KCNJ16: variants seen among roughly 807,000 people sequenced by gnomAD.
The protein encoded by KCNJ16 is inward rectifier potassium channel 16.
KCNJ16 carries 15 observed loss-of-function variants against 18.5 expected under a neutral mutation model. The observed-to-expected ratio is 0.81, with a 90% CI of 0.54 to 1.25. The LOEUF (loss-of-function observed/expected upper bound fraction) is 1.25, where lower values mean the gene tolerates loss of function less well. Among genes scored for constraint, KCNJ16 ranks in the 50% most tolerant of loss-of-function variants. KCNJ16 has a pLI of 0.00. For missense variants in KCNJ16, 523 were observed against 525.7 expected (o/e 0.99, Z 0.05); for synonymous variants, 174 against 186.5 (o/e 0.93, Z 0.55).
At chr17:70,106,756 T>C (rs1456023527) in intron 2 of KCNJ16, among the ~76,000 whole-genome samples, 2 of 152,126 alleles carry the variant, frequency 1.3e-5, no homozygotes, top group East Asian at 3.9e-4. Context: ...GCCCAATCTC[T>C]GCAGGTCAGC....
intron 1 of KCNJ16, among the ~76,000 whole-genome samples, chr17:70,097,767 A>C (rs2072446300): frequency 6.6e-6 from 1 of 151,980 alleles, no homozygotes; most frequent in Non-Finnish European, 1.5e-5. Flanking sequence ...CTTGCAAAGA[A>C]CCTTGACTCT....
intron 3 of KCNJ16, among the ~76,000 whole-genome samples, chr17:70,131,714 T>A (rs2144292661): frequency 6.6e-6 from 1 of 152,330 alleles, no homozygotes; most frequent in East Asian, 1.9e-4. Context: ...TTTTTTTTTA[T>A]ATCAGGTCAG....
intron 1 of KCNJ16, among the ~76,000 whole-genome samples, chr17:70,076,367 G>A (rs1206019591): frequency 1.3e-5 from 2 of 152,116 alleles, no homozygotes; most frequent in African/African-American, 4.8e-5. Flanking sequence ...CCAAACCACA[G>A]CTGTTTTGCA....
chr17:70,084,037 C>A (rs2071680499), intron 1 of KCNJ16, among the ~76,000 whole-genome samples: 1 of 152,158 alleles, frequency 6.6e-6, no homozygotes, highest in African/African-American at 2.4e-5. Flanking sequence ...AAGAGGAGAC[C>A]AGCAGGATGT....
At chr17:70,083,294 A>T (rs1001700935) in intron 1 of KCNJ16, among the ~76,000 whole-genome samples, 17 of 149,460 alleles carry the variant, frequency 1.1e-4, no homozygotes, top group Non-Finnish European at 1.5e-5. Context: ...ATACATATCT[A>T]TATGATATAT....
chr17:70,108,823 T>C (rs1408599864), intron 2 of KCNJ16, among the ~76,000 whole-genome samples: 2 of 152,154 alleles, frequency 1.3e-5, no homozygotes, highest in East Asian at 1.9e-4. Context: ...CCGTTTTTGC[T>C]AGCCCTCTGA....
In KCNJ16 at chr17:70,116,141, A is replaced by G. The variant is rs953402539; in HGVS notation, c.-190-14738A>G. On this transcript the variant is annotated intron_variant, in intron 2 of 3. Coordinates refer to ENST00000392671, the MANE Select transcript of KCNJ16 (RefSeq NM_170741.4). ...CATCAAAATTAACATTTTGTTGTAT[A>G]TGATTCTGTTTTTTCTCCATTTTTA... is the stretch of plus-strand genomic sequence containing the variant. Among the ~76,000 whole-genome samples, 6 of 152,190 alleles carry G rather than the reference A, an allele frequency of 3.9e-5. No individual in the cohort carries two copies. The South Asian group carries it at 6.2e-4, about 16-fold the overall frequency.
chr17:70,084,093 T>C (rs2071683739), intron 1 of KCNJ16, among the ~76,000 whole-genome samples: 1 of 152,194 alleles, frequency 6.6e-6, no homozygotes, highest in South Asian at 2.1e-4. Flanking sequence ...TGTGCCAGTA[T>C]ATCAGTGACA....
chr17:70,122,178 T>TC (rs2073667517), intron 2 of KCNJ16, among the ~76,000 whole-genome samples: 1 of 92,688 alleles, frequency 1.1e-5, no homozygotes, highest in South Asian at 2.9e-4. Flanking sequence ...ATCGGATACT[T>TC]TTTTTTTTTT....
chr17:70,092,576 TAG>T (rs1567782661), intron 1 of KCNJ16, among the ~76,000 whole-genome samples: 49 of 150,060 alleles, frequency 3.3e-4, no homozygotes, highest in Admixed American at 7.3e-4. Context: ...TATAGATAGA[TAG>T]ATAGATAGAT....
chr17:70,106,049 T>C (rs1267945100), intron 2 of KCNJ16, among the ~76,000 whole-genome samples: 2 of 152,148 alleles, frequency 1.3e-5, no homozygotes, highest in Non-Finnish European at 2.9e-5. Flanking sequence ...AAATCCTTGA[T>C]CCAGTCTGAG....
chr17:70,123,185 T>C (rs535433102), intron 2 of KCNJ16, among the ~76,000 whole-genome samples: 8 of 152,324 alleles, frequency 5.3e-5, no homozygotes, highest in African/African-American at 1.4e-4. Context: ...TCTCTCTTTC[T>C]AGCCTCAATT....
intron 2 of KCNJ16, among the ~76,000 whole-genome samples, chr17:70,115,483 G>A (rs1382508555): frequency 6.6e-6 from 1 of 152,042 alleles, no homozygotes; most frequent in African/African-American, 2.4e-5. Context: ...GAAAGTTGCA[G>A]AATAGCACAA....
intron 2 of KCNJ16, among the ~76,000 whole-genome samples, chr17:70,111,633 C>T (rs905949020): frequency 1.3e-5 from 2 of 152,012 alleles, no homozygotes; most frequent in African/African-American, 4.8e-5. Flanking sequence ...GGCTGTGTCC[C>T]CACCCAAATC....
chr17:70,102,215 C>CTTTTTT lies in KCNJ16; in HGVS notation c.-191+1474_-191+1479dup, dbSNP rs10600577. 1.7e-3 allele frequency: 81 copies of CTTTTTT among 48,148 alleles called. 7 individuals carry two copies. The highest frequency in any genetic ancestry group is 5.8e-3 in the African/African-American group (69 of 11,974). 3.0% of individuals were successfully genotyped at this position (48,148 alleles called of 1,614,324 possible). ...TCTTTCTTCTTGTTCACCAAAAGTA[C>CTTTTTT]TTTTTTTTTTTTTTTTTTTTTTTTT... is the stretch of plus-strand genomic sequence containing the variant. On this transcript the variant is annotated intron_variant, in intron 2 of 3. Transcript: ENST00000392671.
intron 2 of KCNJ16, among the ~76,000 whole-genome samples, 184 bp from the exon 3 acceptor site, chr17:70,130,695 G>A (rs2074025868): frequency 6.6e-6 from 1 of 152,158 alleles, no homozygotes; most frequent in African/African-American, 2.4e-5. Context: ...GGGTCTTTAT[G>A]TCAGGAATAG....
intron 3 of KCNJ16, chr17:70,131,222 A>AG (rs2074047721): frequency 6.5e-6 from 5 of 767,568 alleles, no homozygotes; most frequent in Non-Finnish European, 9.4e-6. Flanking sequence ...AAGAAAGAAA[A>AG]GAAAAAAAAA....
intron 1 of KCNJ16, among the ~76,000 whole-genome samples, chr17:70,094,967 A>G (rs897146860): frequency 6.6e-6 from 1 of 152,224 alleles, no homozygotes; most frequent in Non-Finnish European, 1.5e-5. Context: ...AGATTCAATT[A>G]TAATTAAATC....
At chr17:70,082,247 A>T (rs752977633) in intron 1 of KCNJ16, among the ~76,000 whole-genome samples, 5 of 152,204 alleles carry the variant, frequency 3.3e-5, no homozygotes, top group African/African-American at 4.8e-5. Context: ...AGTTATAAAG[A>T]GCCTAACAGA....
Sources: gnomAD v4.1 joint callset for allele counts (sites outside exome capture counted in the v4.1 genomes callset) on GRCh38, gnomAD v4.1.1 for gene constraint, MANE v1.5 for transcripts, NCBI Gene and HGNC (gene_info 2026-07-23, HGNC 2026-07-21) for gene names.